FAM20C: variants seen among roughly 807,000 people sequenced by gnomAD.
FAM20C encodes the protein FAM20C golgi associated secretory pathway kinase, also known as extracellular serine/threonine protein kinase FAM20C.
A neutral mutation model predicts 51.5 loss-of-function variants in FAM20C; 40 were observed. The observed-to-expected ratio is 0.78, with a 90% confidence interval of 0.60 to 1.01. The LOEUF (loss-of-function observed/expected upper bound fraction) is 1.01. FAM20C is among the 50% of genes least tolerant of loss of function. FAM20C has a pLI of 0.00. For missense variants in FAM20C, 861 were observed against 844.7 expected (o/e 1.02, Z -0.24); for synonymous variants, 406 against 380.6 (o/e 1.07, Z -0.78).
chr7:208,347 T>C (rs534858385), intron 2 of FAM20C, among the ~76,000 whole-genome samples: 1 of 135,400 alleles, frequency 7.4e-6, no homozygotes, highest in East Asian at 2.3e-4. Flanking sequence ...GTGTGTTGTG[T>C]GTACTGTAGG....
chr7:256,625 GC>G (rs1021783703), intron 6 of FAM20C, 28 bp from the exon 7 acceptor site: 9 of 1,516,890 alleles, frequency 5.9e-6, no homozygotes, highest in African/African-American at 4.1e-5. Flanking sequence ...TCTGGCCTGG[GC>G]CCCCCGTCTC....
intron 3 of FAM20C, among the ~76,000 whole-genome samples, chr7:218,464 C>G (rs1286446833): frequency 6.6e-6 from 1 of 152,236 alleles, no homozygotes; most frequent in Non-Finnish European, 1.5e-5. Context: ...TGCTCAATGT[C>G]CTGGTAAGCT....
At position 257,057 on chromosome 7, in the gene FAM20C, G is replaced by A. The variant is rs140970872; in HGVS notation, c.1416G>A (p.Thr472=). 8,173 of 1,537,116 alleles carry A rather than the reference G, an allele frequency of 5.3e-3. 260 individuals are homozygous for A. In the East Asian group the frequency reaches 0.065, roughly 12 times the overall value. The change falls in exon 8 of 10, where the codon ACG becomes ACA. Residue 472 remains threonine (T), a synonymous_variant. Coordinates refer to ENST00000313766, the MANE Select transcript of FAM20C (RefSeq NM_020223.4). ...YETFEKFGNE[T]FIIHLDNGRG... Reference sequence around the variant, plus strand: ...CTTTTGAGAAGTTTGGGAATGAAACGTTCATCATCCACTTAGACAATGGAA... The same window carrying A: ...CTTTTGAGAAGTTTGGGAATGAAACATTCATCATCCACTTAGACAATGGAA...
chr7:193,399 C>G lies in FAM20C; in HGVS notation c.200C>G (p.Pro67Arg). ...GGCTGGGCCCAGGTTCGGGGCCGCC[C>G]CGGGGAGCCCCCGGCCGCCTCCTCC... ...APGWAQVRGR[P>R]GEPPAASSAA... Residue 67 changes from proline (P) to arginine (R), a missense_variant, in exon 1 of 10, where the codon CCC (proline) becomes CGC (arginine). Pro to Arg is a moderately radical substitution (Grantham distance 103). Around this residue, in one of 3 missense-constraint regions of FAM20C, gnomAD observed 561 missense variants for 499.8 expected, o/e 1.12. Transcript: ENST00000313766. 2 of 1,397,478 alleles carry G rather than the reference C, an allele frequency of 1.4e-6. No homozygotes were observed. The highest frequency in any genetic ancestry group is 1.9e-6 in the Non-Finnish European group (2 of 1,063,622). The allele number at this position is 1,397,478 out of a possible 1,614,324, so 86.6% of individuals were successfully genotyped here.
chr7:202,757 T>C (rs1157075415), intron 2 of FAM20C, among the ~76,000 whole-genome samples: 2 of 146,706 alleles, frequency 1.4e-5, no homozygotes, highest in Non-Finnish European at 3.0e-5. Flanking sequence ...CCTATGGATA[T>C]CTTCCAGTGT....
intron 2 of FAM20C, among the ~76,000 whole-genome samples, chr7:198,031 G>T (rs1785962955): frequency 1.3e-5 from 2 of 152,202 alleles, no homozygotes; most frequent in Admixed American, 1.3e-4. Flanking sequence ...CTCCGCCTGG[G>T]TGTGTCCTGG....
rs183511376 is a variant in FAM20C at position 204,455 on chromosome 7, C to T, written c.785-4443C>T. 1.4e-3 allele frequency among the ~76,000 whole-genome samples: 215 copies of T among 152,372 alleles called. 2 individuals are homozygous for T. Among genetic ancestry groups the T allele is most frequent in the African/African-American group, 5.0e-3 (206 of 41,590 alleles). On this transcript the variant is annotated intron_variant, in intron 2 of 9. Coordinates refer to ENST00000313766, the MANE Select transcript of FAM20C (RefSeq NM_020223.4). The stretch of plus-strand genomic sequence containing the variant: ...CCAGTCTTGACCATGGCCTGTCAAA[C>T]GTGGTTCCTGACAGGGTAGTGGCTG...
At chr7:240,589 AGCTCAAG>A (rs1217479457) in intron 3 of FAM20C, among the ~76,000 whole-genome samples, 4 of 152,150 alleles carry the variant, frequency 2.6e-5, no homozygotes, top group Admixed American at 2.6e-4. Context: ...AGGTGGCAAG[AGCTCAAG>A]GCTGCAGATA....
chr7:222,906 A>G (rs1787298168), intron 3 of FAM20C, among the ~76,000 whole-genome samples: 2 of 151,236 alleles, frequency 1.3e-5, no homozygotes, highest in Admixed American at 6.6e-5. Context: ...TAACGTGTGT[A>G]AGGGTGTGCA....
intron 3 of FAM20C, among the ~76,000 whole-genome samples, chr7:242,981 TACCTGTGCCACCCGGGAG>T (rs1332992750): frequency 2.7e-4 from 27 of 99,372 alleles, no homozygotes; most frequent in East Asian, 3.2e-4. Flanking sequence ...CCACCCGGGA[TACCTGTGCCACCCGGGAG>T]ACCTGTGCCA....
chr7:243,944 A>AATTATTATTATTATT lies in FAM20C; in HGVS notation c.864-2467_864-2453dup, dbSNP rs1554254464. Among the ~76,000 whole-genome samples the AATTATTATTATTATT allele has an allele frequency of 5.1e-3, 696 of 136,828 alleles. 6 individuals carry two copies. The highest frequency in any genetic ancestry group is 0.017 in the African/African-American group (617 of 36,716). The allele number at this position is 136,828 out of a possible 152,430, so 89.8% of individuals were successfully genotyped here. ...AAATAATAATAATAATAATAATAAT[A>AATTATTATTATTATT]ATTATTATTATTATTATTTGGAGAC... On this transcript the variant is annotated intron_variant, in intron 3 of 9. Transcript: ENST00000313766.
At chr7:248,206 C>G in intron 4 of FAM20C, 109 bp from the exon 5 acceptor site, 1 of 745,058 alleles carries the variant, frequency 1.3e-6, no homozygotes, top group Admixed American at 2.6e-5. Context: ...GCCCGCTGAG[C>G]CGCACAGAGC....
chr7:220,093 C>T (rs933202340), intron 3 of FAM20C, among the ~76,000 whole-genome samples: 1 of 152,190 alleles, frequency 6.6e-6, no homozygotes, highest in African/African-American at 2.4e-5. Flanking sequence ...CTGGGGGAAG[C>T]CAAGCCAAGA....
intron 8 of FAM20C, among the ~76,000 whole-genome samples, chr7:257,679 C>A (rs1788636312): frequency 6.6e-6 from 1 of 152,102 alleles, no homozygotes; most frequent in Non-Finnish European, 1.5e-5. Context: ...GCCCAGGACC[C>A]TTCCCCAGGC....
At chr7:222,887 G>A (rs2115099632) in intron 3 of FAM20C, among the ~76,000 whole-genome samples, 1 of 152,200 alleles carries the variant, frequency 6.6e-6, no homozygotes, top group East Asian at 1.9e-4. Flanking sequence ...TGTGTGACGT[G>A]TACATGTGTA....
rs1407958796 is a variant in FAM20C, at chr7:256,046, G to A, written c.1253+17G>A. The A allele has an allele frequency of 1.2e-5, 18 of 1,531,854 alleles. No individual in the cohort carries two copies. The highest frequency in any genetic ancestry group is 1.4e-5 in the African/African-American group (1 of 72,890). 94.9% of individuals were successfully genotyped at this position (1,531,854 alleles called of 1,614,324 possible). A position where few individuals can be genotyped will look rare whatever the true frequency, so the allele number is the denominator to read the frequency against. On this transcript the variant is annotated intron_variant, in intron 6 of 9. Transcript: ENST00000313766. ...GAAGGCCGAGTGAGTGCGGGGCCGG[G>A]GGGCTGGCGTCCGGCCACCCTACGG...
chr7:207,155 T>C lies in FAM20C; in HGVS notation c.785-1743T>C, dbSNP rs373937502. 7.7e-3 allele frequency among the ~76,000 whole-genome samples: 70 copies of C among 9,036 alleles called. 12 individuals are homozygous for C. The highest frequency in any genetic ancestry group is 0.015 in the Admixed American group (22 of 1,508). 5.9% of individuals were successfully genotyped at this position (9,036 alleles called of 152,430 possible). A position where few individuals can be genotyped will look rare whatever the true frequency, so the allele number is the denominator to read the frequency against. The stretch of plus-strand genomic sequence containing the variant: ...GCGTCGGTCACTGTCCCCTCCGCCC[T>C]GCACACGTATCCACTGTGAGGCGTC... On this transcript the variant is annotated intron_variant, in intron 2 of 9. Transcript: ENST00000313766.
chr7:230,717 GT>G (rs1787636194), intron 3 of FAM20C, among the ~76,000 whole-genome samples: 1 of 152,008 alleles, frequency 6.6e-6, no homozygotes, highest in Non-Finnish European at 1.5e-5. Context: ...AGTCCTGTGT[GT>G]TTACTGCCCT....
At chr7:244,712 C>A (rs1352403925) in intron 3 of FAM20C, among the ~76,000 whole-genome samples, 1 of 152,210 alleles carries the variant, frequency 6.6e-6, no homozygotes, top group African/African-American at 2.4e-5. Context: ...GACCTTCAGG[C>A]GCCAGCCCAC....
Sources: gnomAD v4.1 joint callset for allele counts (sites outside exome capture counted in the v4.1 genomes callset) on GRCh38, gnomAD v4.1.1 for gene constraint, gnomAD v4.1.1 regional missense constraint, MANE v1.5 for transcripts, NCBI Gene and HGNC (gene_info 2026-07-23, HGNC 2026-07-21) for gene names.